Variants in NLRP5 observed in about 807,000 individuals in gnomAD.
The protein encoded by NLRP5 is NLR family pyrin domain containing 5.
Under a neutral mutation model 113.1 loss-of-function variants are expected in NLRP5, and 93 were observed. The observed-to-expected ratio is 0.82, with a 90% confidence interval of 0.70 to 0.98. The LOEUF (loss-of-function observed/expected upper bound fraction) is 0.98, where lower values mean the gene tolerates loss of function less well. Ranked by LOEUF, NLRP5 falls within the 50% of genes least tolerant of loss-of-function variation. The pLI is 0.00. For missense variants in NLRP5, 1,808 were observed against 1,514.3 expected, an observed-to-expected ratio of 1.19 and a Z score of -3.22; for synonymous variants, 751 against 600.7, an observed-to-expected ratio of 1.25 and a Z score of -3.66.
Position 56,061,532 on chromosome 19 carries a change from T to C in NLRP5, c.*4T>C, listed in dbSNP as rs753450295. ...CCGGTACTGGTGGAAAAACTGAAGA[T>C]ACGGAAACCTGCCCCACTCACACCC... is the stretch of plus-strand genomic sequence containing the variant. On this transcript the variant is annotated 3_prime_UTR_variant, in exon 15 of 15. Coordinates refer to ENST00000390649, the MANE Select transcript of NLRP5 (RefSeq NM_153447.4). 1.9e-5 allele frequency: 30 copies of C among 1,613,800 alleles called. No homozygotes were observed. The highest frequency in any genetic ancestry group is 2.5e-5 in the Non-Finnish European group (29 of 1,179,850).
chr19:56,033,465 GAGA>G (rs1983199103), intron 8 of NLRP5, 74 bp from the exon 9 acceptor site: 1 of 1,149,942 alleles, frequency 8.7e-7, no homozygotes, highest in African/African-American at 1.5e-5. Context: ...GTTAGAATGG[GAGA>G]AGGATGGGAA....
intron 2 of NLRP5, among the ~76,000 whole-genome samples, chr19:56,006,074 C>T (rs762244239): frequency 6.6e-6 from 1 of 152,084 alleles, no homozygotes; most frequent in Non-Finnish European, 1.5e-5. Context: ...AAATGGGCAA[C>T]TTTAAAAATG....
rs770624516 is a variant in NLRP5, at chr19:56,030,714, C to CTTTTT, written c.2277-1883_2277-1879dup. On this transcript the variant is annotated intron_variant, in intron 7 of 14. Coordinates refer to ENST00000390649, the MANE Select transcript of NLRP5 (RefSeq NM_153447.4). ...ACTTACATTCATTCGCTTTCTTCTT[C>CTTTTT]TTTTTTTTTTTTTTTTTTGAGACGG... Among the ~76,000 whole-genome samples the CTTTTT allele has an allele frequency of 2.2e-3, 159 of 71,332 alleles. 22 individuals carry two copies. The highest frequency in any genetic ancestry group is 7.2e-3 in the African/African-American group (101 of 13,958). 46.8% of individuals were successfully genotyped at this position (71,332 alleles called of 152,430 possible).
upstream of NLRP5, among the ~76,000 whole-genome samples, chr19:55,998,688 A>ATATATATATGTGTGTGTGTGTG (rs1555762400): frequency 4.6e-3 from 232 of 50,148 alleles, 2 homozygotes; most frequent in African/African-American, 0.022. Context: ...ATATATATAT[A>ATATATATATGTGTGTGTGTGTG]TATATATATA....
At chr19:55,989,625 T>C in the NLRP5 span, among the ~76,000 whole-genome samples, 3 of 152,082 alleles carry the variant, frequency 2.0e-5, no homozygotes, top group Non-Finnish European at 4.4e-5. Flanking sequence ...CCTGCCCCCG[T>C]AGTGTCTCTT....
chr19:56,028,020 A>G lies in NLRP5; in HGVS notation c.1787A>G (p.Tyr596Cys), dbSNP rs1982941910. Reference sequence around the variant, plus strand: ...CAGGACTTCTGTGCCGCCTTGTACTACGTGTTAGAGGGCCTGGAAATCGAG... The same window carrying G: ...CAGGACTTCTGTGCCGCCTTGTACTGCGTGTTAGAGGGCCTGGAAATCGAG... Residue 596 changes from tyrosine to cysteine, a missense_variant, in exon 7 of 15, where the codon TAC becomes TGC. Physicochemically the swap from Tyr to Cys is radical, Grantham distance 194 (BLOSUM62 -2). Transcript: ENST00000390649. The G allele has an allele frequency of 6.2e-7, 1 of 1,613,964 alleles. No homozygotes were observed.
intron 11 of NLRP5, among the ~76,000 whole-genome samples, chr19:56,042,954 T>G (rs566093471): frequency 9.6e-4 from 142 of 147,982 alleles, no homozygotes; most frequent in Middle Eastern, 7.0e-3. Flanking sequence ...CTGCATAGTA[T>G]TCCATCATAT....
chr19:56,025,983 G>A (rs572310660), intron 6 of NLRP5, among the ~76,000 whole-genome samples: 2 of 152,200 alleles, frequency 1.3e-5, no homozygotes, highest in South Asian at 4.2e-4. Context: ...AGATTCTACG[G>A]GGGGAGACCA....
At chr19:56,038,490 G>C (rs549416169) in intron 10 of NLRP5, among the ~76,000 whole-genome samples, 61 of 152,330 alleles carry the variant, frequency 4.0e-4, no homozygotes, top group Middle Eastern at 3.4e-3. Flanking sequence ...TGAGGCTTAT[G>C]TGTGCAGCTT....
chr19:56,036,860 G>A (rs1276436657), intron 9 of NLRP5, among the ~76,000 whole-genome samples: 1 of 152,176 alleles, frequency 6.6e-6, no homozygotes, highest in Admixed American at 6.6e-5. Flanking sequence ...GGGAGACTGA[G>A]GCAGGAGCAT....
chr19:55,998,086 G>T (rs1159394761), upstream of NLRP5, among the ~76,000 whole-genome samples: 2 of 152,116 alleles, frequency 1.3e-5, no homozygotes, highest in African/African-American at 4.8e-5. Flanking sequence ...TTCCTGGAGG[G>T]TAGGTAGGTT....
intron 3 of NLRP5, among the ~76,000 whole-genome samples, chr19:56,013,595 G>GTTTTTTTTTTTTTTTTTTTTTTTTTT (rs1418924718): frequency 9.7e-5 from 3 of 30,984 alleles, no homozygotes; most frequent in Non-Finnish European, 1.7e-4. Flanking sequence ...TGGACATTTG[G>GTTTTTTTTTTTTTTTTTTTTTTTTTT]GTTTTTTTTT....
chr19:56,030,370 A>G (rs1289110419), intron 7 of NLRP5, among the ~76,000 whole-genome samples: 1 of 146,546 alleles, frequency 6.8e-6, no homozygotes, highest in Non-Finnish European at 1.5e-5. Flanking sequence ...ACTCTATCTC[A>G]AAAAAAAAAA....
At chr19:56,014,353 T>G (rs73068166) in intron 3 of NLRP5, among the ~76,000 whole-genome samples, 16,543 of 151,744 alleles carry the variant, frequency 0.11, 1,159 homozygotes, top group African/African-American at 0.18. Context: ...GGTGGCGCTT[T>G]CCTGTAGTCC....
At chr19:56,040,896 T>C in intron 10 of NLRP5, 26 bp from the exon 11 acceptor site, 1 of 1,605,298 alleles carries the variant, frequency 6.2e-7, no homozygotes, top group Non-Finnish European at 8.5e-7. Flanking sequence ...TCTCATCATG[T>C]CCTCTCTGGG....
the NLRP5 span, among the ~76,000 whole-genome samples, chr19:55,992,321 G>A: frequency 9.2e-5 from 14 of 152,148 alleles, no homozygotes; most frequent in East Asian, 1.9e-4. Context: ...ACAGTGCCAC[G>A]GTGAACATTT....
the NLRP5 span, among the ~76,000 whole-genome samples, chr19:55,990,075 T>C: frequency 1.3e-5 from 1 of 77,064 alleles, no homozygotes; most frequent in African/African-American, 5.1e-5. Flanking sequence ...TTTTTTTCTT[T>C]TTTCTTTTTT....
chr19:56,007,255 T>C (rs537061076), intron 2 of NLRP5, among the ~76,000 whole-genome samples: 1 of 150,894 alleles, frequency 6.6e-6, no homozygotes, highest in South Asian at 2.1e-4. Flanking sequence ...TCCCAGCTAC[T>C]AGGTAGGCTG....
rs1037100428 is a variant in NLRP5 at position 56,028,142 on chromosome 19, T to C, written c.1909T>C (p.Leu637=). 6.2e-7 allele frequency: 1 copy of C among 1,613,916 alleles called. No homozygotes were observed. Among genetic ancestry groups the C allele is most frequent in the African/African-American group, 1.3e-5 (1 of 74,938 alleles). The change falls in exon 7 of 15, where the codon TTG becomes CTG. Residue 637 remains leucine (L), a synonymous_variant. Transcript: ENST00000390649. The stretch of plus-strand genomic sequence containing the variant: ...CCACTCGCTTTGGATGAAGCGTTTC[T>C]TGTTTGGCCTCGTGAGCGAAGACGT...
Sources: allele counts gnomAD v4.1 joint callset (sites outside exome capture counted in the v4.1 genomes callset), GRCh38; gene constraint gnomAD v4.1.1; transcripts MANE v1.5; gene names NCBI Gene and HGNC (gene_info 2026-07-23, HGNC 2026-07-21).